The following ANXA13 variants were observed in gnomAD, a reference collection of about 807,000 sequenced individuals.
ANXA13 encodes the protein annexin A13, also known as annexin XIII.
ANXA13 carries 36 observed loss-of-function variants against 46.6 expected under a neutral mutation model. The observed-to-expected ratio is 0.77, with a 90% CI of 0.59 to 1.02. The LOEUF is 1.02. Among genes scored for constraint, ANXA13 ranks in the 50% least tolerant of loss-of-function variants. The probability of loss-of-function intolerance (pLI) is 0.00; values close to 1 mark genes in which losing one functional copy is unlikely to be tolerated. For missense variants in ANXA13, 417 were observed against 396.5 expected (o/e 1.05, Z -0.44); for synonymous variants, 163 against 152.9 (o/e 1.07, Z -0.49).
At chr8:123,736,672 T>A (rs1481069512) in intron 1 of ANXA13, among the ~76,000 whole-genome samples, 1 of 152,210 alleles carries the variant, frequency 6.6e-6, no homozygotes, top group Non-Finnish European at 1.5e-5. Context: ...GCTTAGTTTA[T>A]GAAGTTTTAT....
chr8:123,720,345 G>T (rs1471033214), intron 1 of ANXA13, among the ~76,000 whole-genome samples: 1 of 152,162 alleles, frequency 6.6e-6, no homozygotes, highest in Non-Finnish European at 1.5e-5. Context: ...ATGGAGGCAG[G>T]TGAAGGGTGT....
intron 10 of ANXA13, among the ~76,000 whole-genome samples, chr8:123,683,023 A>C (rs1159871313): frequency 2.0e-5 from 3 of 152,118 alleles, no homozygotes; most frequent in African/African-American, 7.2e-5. Context: ...GTCCCTTTTG[A>C]GTCCCTCAAG....
chr8:123,718,767 T>A (rs533097878), intron 1 of ANXA13, among the ~76,000 whole-genome samples: 1 of 152,344 alleles, frequency 6.6e-6, no homozygotes, highest in South Asian at 2.1e-4. Context: ...ATAAACGAGA[T>A]GCTCTGATCC....
At chr8:123,702,611 G>A (rs1427944274) in intron 3 of ANXA13, 31 bp downstream of exon 3, 1 of 1,583,270 alleles carries the variant, frequency 6.3e-7, no homozygotes, top group Admixed American at 1.7e-5. Flanking sequence ...CCATGGCTGG[G>A]TGCAAGCTTG....
chr8:123,710,243 C>T (rs1813629910), intron 2 of ANXA13, among the ~76,000 whole-genome samples: 1 of 152,108 alleles, frequency 6.6e-6, no homozygotes. Context: ...TTTTGTAAAA[C>T]ATTATGCCAA....
At chr8:123,713,596 G>A (rs1189570735) in intron 1 of ANXA13, among the ~76,000 whole-genome samples, 1 of 152,156 alleles carries the variant, frequency 6.6e-6, no homozygotes, top group African/African-American at 2.4e-5. Flanking sequence ...AACCTGTGAG[G>A]TTAATTGTAG....
chr8:123,700,147 C>T (rs1302521766), intron 3 of ANXA13, among the ~76,000 whole-genome samples: 1 of 152,222 alleles, frequency 6.6e-6, no homozygotes, highest in African/African-American at 2.4e-5. Flanking sequence ...ACAGTGGCTG[C>T]TCCAGCCAAC....
At chr8:123,704,835 C>T (rs1010998283) in intron 2 of ANXA13, among the ~76,000 whole-genome samples, 5 of 152,154 alleles carry the variant, frequency 3.3e-5, no homozygotes, top group African/African-American at 1.2e-4. Context: ...CTTTTAAACT[C>T]GATTTTCAGT....
chr8:123,695,212 C>T (rs1475740935), intron 6 of ANXA13, among the ~76,000 whole-genome samples: 3 of 151,968 alleles, frequency 2.0e-5, no homozygotes, highest in African/African-American at 4.8e-5. Flanking sequence ...CTCTCATGGC[C>T]TACATTTCCT....
chr8:123,698,989 A>G (rs1483438943), intron 3 of ANXA13, among the ~76,000 whole-genome samples: 2 of 152,154 alleles, frequency 1.3e-5, no homozygotes, highest in Non-Finnish European at 2.9e-5. Flanking sequence ...TGTCATCCAA[A>G]TTGGGATGCC....
intron 1 of ANXA13, among the ~76,000 whole-genome samples, chr8:123,732,686 C>T (rs2891800): frequency 0.89 from 133,492 of 150,122 alleles, 59,406 homozygotes; most frequent in East Asian, 1. Context: ...TTTTTTTTTG[C>T]ATCCACCATA....
intron 1 of ANXA13, chr8:123,728,212 G>C (rs1563620309): frequency 6.6e-6 from 1 of 152,146 alleles, no homozygotes; most frequent in Non-Finnish European, 1.5e-5. Flanking sequence ...TTGTGTCCTG[G>C]GGAAAATGAC....
chr8:123,702,491 C>T (rs1445285629), intron 3 of ANXA13, 151 bp downstream of exon 3: 3 of 632,324 alleles, frequency 4.7e-6, no homozygotes, highest in African/African-American at 3.7e-5. Flanking sequence ...TTTCTGAACT[C>T]CATTAATGCT....
chr8:123,703,769 C>T (rs1042566817), intron 2 of ANXA13, among the ~76,000 whole-genome samples: 22 of 152,110 alleles, frequency 1.4e-4, no homozygotes, highest in African/African-American at 2.7e-4. Context: ...GTAATACAAG[C>T]TCATGGCAGC....
chr8:123,706,122 T>G (rs773590054), intron 2 of ANXA13, among the ~76,000 whole-genome samples: 6 of 152,232 alleles, frequency 3.9e-5, no homozygotes, highest in Admixed American at 1.3e-4. Flanking sequence ...AGGAGTGAGT[T>G]GCCTGCCTGG....
chr8:123,729,766 A>G (rs1814076439), intron 1 of ANXA13, among the ~76,000 whole-genome samples: 3 of 152,304 alleles, frequency 2.0e-5, no homozygotes, highest in South Asian at 2.1e-4. Flanking sequence ...GTTAGAATTG[A>G]CAATTAAATG....
intron 3 of ANXA13, among the ~76,000 whole-genome samples, chr8:123,699,420 C>T (rs549709339): frequency 1.3e-5 from 2 of 152,176 alleles, no homozygotes; most frequent in African/African-American, 2.4e-5. Context: ...TAGGCTCAAG[C>T]GATCCTCCAC....
chr8:123,695,327 A>G (rs980238100), intron 6 of ANXA13, among the ~76,000 whole-genome samples, 175 bp downstream of exon 6: 1 of 152,242 alleles, frequency 6.6e-6, no homozygotes, highest in African/African-American at 2.4e-5. Context: ...AGTAATTCCA[A>G]TTGAATATAA....
chr8:123,721,777 C>T (rs934695246), intron 1 of ANXA13, among the ~76,000 whole-genome samples: 6 of 152,172 alleles, frequency 3.9e-5, no homozygotes, highest in East Asian at 1.9e-4. Flanking sequence ...TCATATGTGC[C>T]GGGCATGGGT....
Sources: gnomAD v4.1 joint callset for allele counts (sites outside exome capture counted in the v4.1 genomes callset) on GRCh38, gnomAD v4.1.1 for gene constraint, MANE v1.5 for transcripts, NCBI Gene and HGNC (gene_info 2026-07-23, HGNC 2026-07-21) for gene names.